The following LRIG1 variants were observed in gnomAD, a reference collection of about 807,000 sequenced individuals.
LRIG1 encodes leucine-rich repeats and immunoglobulin-like domains protein 1.
LRIG1 carries 48 observed loss-of-function variants against 99.2 expected under a neutral mutation model. That is an observed-to-expected ratio of 0.48 (90% CI 0.38 to 0.62). The LOEUF (loss-of-function observed/expected upper bound fraction) is 0.62, where lower values mean the gene tolerates loss of function less well. Among genes scored for constraint, LRIG1 ranks in the 20% least tolerant of loss-of-function variants. The pLI, the probability that LRIG1 is intolerant of heterozygous loss-of-function variation, is 0.00. For missense variants in LRIG1, 1,646 were observed against 1,434.4 expected (o/e 1.15, Z -2.38); for synonymous variants, 772 against 596.1 (o/e 1.29, Z -4.30).
chr3:66,445,904 T>C (rs1703700656), intron 3 of LRIG1, among the ~76,000 whole-genome samples: 2 of 152,154 alleles, frequency 1.3e-5, no homozygotes, highest in African/African-American at 4.8e-5. Flanking sequence ...TTAACAACCT[T>C]AGCTCAGATC....
At position 66,403,771 on chromosome 3, in the gene LRIG1, T is replaced by G. The variant is rs1225859717; in HGVS notation, c.1160+1427A>C. On this transcript the variant is annotated intron_variant, in intron 9 of 18. Coordinates refer to ENST00000273261, the MANE Select transcript of LRIG1 (RefSeq NM_015541.3). Reference sequence around the variant, plus strand: ...GAAACGGCTCCAGGTTCCTCCGGACTGACACGCCCCACGAGGAACCTGGCA... The same window carrying G: ...GAAACGGCTCCAGGTTCCTCCGGACGGACACGCCCCACGAGGAACCTGGCA... Among the ~76,000 whole-genome samples, 4 of 152,328 alleles carry G rather than the reference T, an allele frequency of 2.6e-5. No homozygotes were observed. In the East Asian group the frequency reaches 7.7e-4, roughly 29 times the overall value.
At chr3:66,472,880 C>T (rs145778034) in intron 1 of LRIG1, among the ~76,000 whole-genome samples, 1 of 152,076 alleles carries the variant, frequency 6.6e-6, no homozygotes, top group African/African-American at 2.4e-5. Flanking sequence ...AGGAAAGGAT[C>T]GGACATTTTG....
intron 1 of LRIG1, among the ~76,000 whole-genome samples, chr3:66,487,263 G>A (rs1700996288): frequency 6.6e-6 from 1 of 152,200 alleles, no homozygotes; most frequent in Non-Finnish European, 1.5e-5. Flanking sequence ...AGCAATTGAA[G>A]AAAGCCTCTG....
intron 1 of LRIG1, among the ~76,000 whole-genome samples, chr3:66,468,775 C>T (rs1559814895): frequency 6.6e-6 from 1 of 152,118 alleles, no homozygotes; most frequent in Non-Finnish European, 1.5e-5. Context: ...AAAATTTCAG[C>T]GGGTGCAAAT....
At chr3:66,391,585 A>C (rs1413651663) in intron 12 of LRIG1, among the ~76,000 whole-genome samples, 3 of 152,198 alleles carry the variant, frequency 2.0e-5, no homozygotes, top group African/African-American at 7.2e-5. Context: ...ATGGAGACAC[A>C]ATGAGATTAG....
Position 66,406,931 on chromosome 3 carries a change from G to A in LRIG1, c.1079+417C>T, listed in dbSNP as rs558691807. Reference sequence around the variant, plus strand: ...CACTGCAGTATTCCCATGGTTTAGAGAAAAAATATTCAGGACTTGGAAGTT... The same window carrying A: ...CACTGCAGTATTCCCATGGTTTAGAAAAAAAATATTCAGGACTTGGAAGTT... On this transcript the variant is annotated intron_variant, in intron 8 of 18. Coordinates refer to ENST00000273261, the MANE Select transcript of LRIG1 (RefSeq NM_015541.3). Among the ~76,000 whole-genome samples the A allele has an allele frequency of 5.3e-5, 8 of 152,278 alleles. 1 individual carries two copies. The South Asian group carries it at 1.2e-3, about 24-fold the overall frequency.
chr3:66,417,544 G>T (rs995198165), intron 3 of LRIG1: 9 of 407,658 alleles, frequency 2.2e-5, no homozygotes, highest in Non-Finnish European at 4.1e-5. Context: ...GACCATGTGA[G>T]ACCAGCATGA....
At position 66,380,561 on chromosome 3, in the gene LRIG1, GAC is replaced by G. The variant is rs754166667; in HGVS notation, c.3055+14_3055+15del. On this transcript the variant is annotated intron_variant, in intron 18 of 18. Coordinates refer to ENST00000273261, the MANE Select transcript of LRIG1 (RefSeq NM_015541.3). ...GCAGCTCCCAACCCACCTGTTAGAAGACAGTCAAAAGTTACCTTTCCCATCTA... is the reference window on the plus strand; with the variant it reads ...GCAGCTCCCAACCCACCTGTTAGAAGAGTCAAAAGTTACCTTTCCCATCTA... The G allele has an allele frequency of 2.5e-6, 4 of 1,613,264 alleles. No homozygotes were observed. In the African/African-American group the frequency reaches 5.3e-5, roughly 22 times the overall value.
intron 1 of LRIG1, among the ~76,000 whole-genome samples, chr3:66,474,485 A>G (rs1700673427): frequency 6.6e-6 from 1 of 151,924 alleles, no homozygotes; most frequent in Admixed American, 6.6e-5. Flanking sequence ...AGCTGGGATT[A>G]CAGGCGCCCG....
intron 9 of LRIG1, 147 bp downstream of exon 9, chr3:66,405,051 A>G: frequency 1.5e-6 from 1 of 679,340 alleles, no homozygotes; most frequent in Non-Finnish European, 2.6e-6. Flanking sequence ...CTTCTCCACA[A>G]ACAAAACAAG....
chr3:66,410,295 G>C (rs1160659287), intron 6 of LRIG1, 23 bp from the exon 7 acceptor site: 3 of 1,580,380 alleles, frequency 1.9e-6, no homozygotes, highest in Admixed American at 3.6e-5. Context: ...CCATGCACAG[G>C]ATGAAGAGGA....
chr3:66,464,931 G>C (rs926775768), intron 1 of LRIG1, among the ~76,000 whole-genome samples: 10 of 152,212 alleles, frequency 6.6e-5, no homozygotes, highest in African/African-American at 2.2e-4. Context: ...CTATCTAGAA[G>C]CCTAGCAGTA....
At chr3:66,491,642 T>C (rs1474909702) in intron 1 of LRIG1, among the ~76,000 whole-genome samples, 3 of 152,178 alleles carry the variant, frequency 2.0e-5, no homozygotes, top group East Asian at 3.8e-4. Flanking sequence ...GTAAATAGTA[T>C]GGTATATAAA....
chr3:66,460,902 A>C (rs1700340731), intron 2 of LRIG1, among the ~76,000 whole-genome samples: 1 of 152,236 alleles, frequency 6.6e-6, no homozygotes, highest in South Asian at 2.1e-4. Flanking sequence ...CAGAAATTAT[A>C]AACGCCAATC....
rs1701200267 is a variant in LRIG1, at chr3:66,383,365, A to G, written c.2108T>C (p.Val703Ala). Residue 703 changes from valine (V) to alanine (A), a missense_variant, in exon 15 of 19, where the codon GTG becomes GCG. Physicochemically the swap from Val to Ala is moderately conservative, Grantham distance 64. Transcript: ENST00000273261. ...PSLVVPLEDR[V>A]VSVGETVALQ... ...GGCCACTGTTTCTCCCACAGATACC[A>G]CACGGTCTTCCAAGGGGACCACCAA... is the stretch of plus-strand genomic sequence containing the variant. 6.3e-7 allele frequency: 1 copy of G among 1,577,326 alleles called. No individual in the cohort carries two copies. Among genetic ancestry groups the G allele is most frequent in the Admixed American group, 1.7e-5 (1 of 58,596 alleles).
chr3:66,445,996 C>T (rs1703704066), intron 3 of LRIG1, among the ~76,000 whole-genome samples: 1 of 152,236 alleles, frequency 6.6e-6, no homozygotes, highest in African/African-American at 2.4e-5. Context: ...ATTATTCCCC[C>T]CAGCCCTGAG....
intron 6 of LRIG1, among the ~76,000 whole-genome samples, chr3:66,411,318 TA>T (rs1702456438): frequency 1.3e-5 from 2 of 152,224 alleles, no homozygotes; most frequent in Admixed American, 1.3e-4. Flanking sequence ...GCTCAAAAGG[TA>T]AGCACTTAAT....
At position 66,449,977 on chromosome 3, in the gene LRIG1, T is replaced by C. The variant is rs7641663; in HGVS notation, c.365+1582A>G. 6.4e-3 allele frequency among the ~76,000 whole-genome samples: 977 copies of C among 152,340 alleles called. 11 individuals are homozygous for C. Among genetic ancestry groups the C allele is most frequent in the African/African-American group, 0.021 (888 of 41,568 alleles). On this transcript the variant is annotated intron_variant, in intron 3 of 18. Coordinates refer to ENST00000273261, the MANE Select transcript of LRIG1 (RefSeq NM_015541.3). ...AAGCTAACTCAATACTGATGGTCCATGACCTGTGCTTTAAGCAGCAAGGAG... is the reference window on the plus strand; with the variant it reads ...AAGCTAACTCAATACTGATGGTCCACGACCTGTGCTTTAAGCAGCAAGGAG...
chr3:66,482,710 G>T (rs1700878770), intron 1 of LRIG1, among the ~76,000 whole-genome samples: 1 of 152,146 alleles, frequency 6.6e-6, no homozygotes, highest in South Asian at 2.1e-4. Flanking sequence ...TCAAAGCTTA[G>T]GAAAAAGCCT....
Sources: gnomAD v4.1 joint callset for allele counts (sites outside exome capture counted in the v4.1 genomes callset) on GRCh38, gnomAD v4.1.1 for gene constraint, MANE v1.5 for transcripts, NCBI Gene and HGNC (gene_info 2026-07-23, HGNC 2026-07-21) for gene names.